The following INPP4B variants were observed in gnomAD, a reference collection of about 807,000 sequenced individuals.
The protein encoded by INPP4B is inositol polyphosphate 4-phosphatase type II.
Under a neutral mutation model 122.5 loss-of-function variants are expected in INPP4B, and 55 were observed. That is an observed-to-expected ratio of 0.45 (90% confidence interval 0.36 to 0.56). The LOEUF is 0.56. INPP4B is among the 20% of genes least tolerant of loss of function. INPP4B has a pLI of 0.00. For missense variants in INPP4B, 1,000 were observed against 1,097.7 expected (o/e 0.91, Z 1.26); for synonymous variants, 403 against 388.7 (o/e 1.04, Z -0.43).
intron 2 of INPP4B, among the ~76,000 whole-genome samples, chr4:142,678,023 T>TA (rs1200600358): frequency 6.6e-6 from 1 of 151,690 alleles, no homozygotes; most frequent in Non-Finnish European, 1.5e-5. Context: ...AAAGTAACTT[T>TA]AAAAAAAGGT....
chr4:142,640,102 G>A (rs981642972), intron 2 of INPP4B, among the ~76,000 whole-genome samples: 1 of 152,088 alleles, frequency 6.6e-6, no homozygotes, highest in Non-Finnish European at 1.5e-5. Context: ...GGTGTAAACT[G>A]TGACTGTACT....
At chr4:142,612,665 G>T (rs1742814259) in intron 2 of INPP4B, among the ~76,000 whole-genome samples, 1 of 152,148 alleles carries the variant, frequency 6.6e-6, no homozygotes, top group Non-Finnish European at 1.5e-5. Flanking sequence ...GACCAATATA[G>T]CCTCACATGG....
At chr4:142,038,786 C>G (rs965354759) in intron 25 of INPP4B, among the ~76,000 whole-genome samples, 2 of 152,122 alleles carry the variant, frequency 1.3e-5, no homozygotes, top group African/African-American at 2.4e-5. Context: ...TGGAAAGGAG[C>G]GCAAGTGTGT....
At chr4:142,324,415 T>C (rs116513835) in intron 7 of INPP4B, among the ~76,000 whole-genome samples, 1,924 of 152,204 alleles carry the variant, frequency 0.013, 47 homozygotes, top group African/African-American at 0.044. Flanking sequence ...TGGATATTGT[T>C]AAGACATTCC....
At chr4:142,524,066 AT>A (rs1471299933) in intron 2 of INPP4B, among the ~76,000 whole-genome samples, 1 of 151,342 alleles carries the variant, frequency 6.6e-6, no homozygotes, top group Non-Finnish European at 1.5e-5. Context: ...ATTGTTGGAC[AT>A]TTGGGATGGT....
intron 2 of INPP4B, chr4:142,474,144 C>T (rs1436527066): frequency 1.3e-5 from 2 of 152,316 alleles, no homozygotes; most frequent in African/African-American, 4.8e-5. Context: ...TGGACACAGC[C>T]TCCTGTTGTC....
At chr4:142,725,164 C>G (rs1046717114) in intron 2 of INPP4B, among the ~76,000 whole-genome samples, 2 of 151,972 alleles carry the variant, frequency 1.3e-5, no homozygotes, top group Non-Finnish European at 2.9e-5. Flanking sequence ...TGTGTACATG[C>G]GTATGTCATT....
chr4:142,491,133 C>T (rs1191624184), intron 2 of INPP4B, among the ~76,000 whole-genome samples: 1 of 151,962 alleles, frequency 6.6e-6, no homozygotes, highest in African/African-American at 2.4e-5. Flanking sequence ...TTTTTGGGGG[C>T]CCCCACACTG....
intron 2 of INPP4B, among the ~76,000 whole-genome samples, chr4:142,647,836 G>A (rs1010716937): frequency 1.3e-5 from 2 of 152,222 alleles, no homozygotes; most frequent in African/African-American, 4.8e-5. Context: ...AAAGCATCAC[G>A]CTCAGGGCTT....
Position 142,405,306 on chromosome 4 carries a change from G to C in INPP4B, c.155C>G (p.Ala52Gly), listed in dbSNP as rs1378804901. The change falls in exon 6 of 26, where the codon GCT becomes GGT. Residue 52 changes from alanine (A) to glycine (G), a missense_variant. Physicochemically the swap from Ala to Gly is moderately conservative, Grantham distance 60. Coordinates refer to ENST00000262992, the MANE Select transcript of INPP4B (RefSeq NM_001101669.3). ...EFILACKDLV[A>G]PVRDRKLNTL... ...ATTCAGTTTACGATCACGGACAGGA[G>C]CCACGAGATCCTTGCATGCTGGCAA... is the stretch of plus-strand genomic sequence containing the variant. 2.5e-6 allele frequency: 4 copies of C among 1,609,782 alleles called. No individual in the cohort carries two copies. The highest frequency in any genetic ancestry group is 3.4e-6 in the Non-Finnish European group (4 of 1,176,452).
At chr4:142,637,861 C>T (rs928330852) in intron 2 of INPP4B, among the ~76,000 whole-genome samples, 18 of 152,086 alleles carry the variant, frequency 1.2e-4, no homozygotes, top group East Asian at 5.8e-4. Flanking sequence ...CGACATTTGG[C>T]GTTGTCAGCA....
At chr4:142,782,071 T>C (rs1036992619) in intron 1 of INPP4B, among the ~76,000 whole-genome samples, 1 of 151,942 alleles carries the variant, frequency 6.6e-6, no homozygotes, top group African/African-American at 2.4e-5. Context: ...CATGCTGGTG[T>C]GCTGCACCCA....
At position 142,525,289 on chromosome 4, in the gene INPP4B, A is replaced by G. The variant is rs1182943323; in HGVS notation, c.-190-62563T>C. Reference sequence around the variant, plus strand: ...CCATGCTCATGGGTAGGAAGAATCAATATCGTGAAAATGGCCATACTGCCC... The same window carrying G: ...CCATGCTCATGGGTAGGAAGAATCAGTATCGTGAAAATGGCCATACTGCCC... On this transcript the variant is annotated intron_variant, in intron 2 of 25. Coordinates refer to ENST00000262992, the MANE Select transcript of INPP4B (RefSeq NM_001101669.3). Among the ~76,000 whole-genome samples, 10 of 151,248 alleles carry G rather than the reference A, an allele frequency of 6.6e-5. 1 individual carries two copies. Among genetic ancestry groups the G allele is most frequent in the Admixed American group, 2.0e-4 (3 of 15,178 alleles).
chr4:142,083,108 A>G (rs1339881306), intron 24 of INPP4B, among the ~76,000 whole-genome samples: 2 of 151,974 alleles, frequency 1.3e-5, no homozygotes, highest in Admixed American at 6.6e-5. Context: ...TCTCAAAAAA[A>G]AAAAAAACCT....
intron 23 of INPP4B, among the ~76,000 whole-genome samples, chr4:142,100,320 T>A (rs564716922): frequency 7.2e-5 from 11 of 152,114 alleles, no homozygotes; most frequent in Non-Finnish European, 1.6e-4. Flanking sequence ...ATCTTTTCTA[T>A]GGCTCCAGCT....
chr4:142,645,734 T>C (rs1751627504), intron 2 of INPP4B, among the ~76,000 whole-genome samples: 1 of 152,190 alleles, frequency 6.6e-6, no homozygotes. Context: ...GTTCACACTG[T>C]TACATAAGGC....
intron 7 of INPP4B, among the ~76,000 whole-genome samples, chr4:142,334,725 T>G (rs561006312): frequency 2.6e-5 from 4 of 152,304 alleles, no homozygotes; most frequent in Non-Finnish European, 5.9e-5. Flanking sequence ...ATTTTTTCTA[T>G]ACCTTTGGCC....
At chr4:142,386,126 C>A (rs571414812) in intron 7 of INPP4B, among the ~76,000 whole-genome samples, 1 of 152,008 alleles carries the variant, frequency 6.6e-6, no homozygotes, top group Admixed American at 6.6e-5. Context: ...TAAGTGAGAC[C>A]ATGCAGATGT....
intron 2 of INPP4B, among the ~76,000 whole-genome samples, chr4:142,624,493 G>A (rs1485260860): frequency 6.6e-6 from 1 of 151,316 alleles, no homozygotes; most frequent in Admixed American, 6.6e-5. Context: ...AGTAGGTTGT[G>A]AAAATTTTCT....
Sources: allele counts gnomAD v4.1 joint callset (sites outside exome capture counted in the v4.1 genomes callset), GRCh38; gene constraint gnomAD v4.1.1; transcripts MANE v1.5; gene names NCBI Gene and HGNC (gene_info 2026-07-23, HGNC 2026-07-21).